Variants in ERN1 observed in about 807,000 individuals in gnomAD.
ERN1 encodes serine/threonine-protein kinase/endoribonuclease IRE1.
In ERN1, 39 loss-of-function variants were observed where a neutral mutation model predicts 113.1. The observed-to-expected ratio is 0.34, with a 90% CI of 0.27 to 0.45. The LOEUF is 0.45. Ranked by LOEUF, ERN1 falls within the 20% of genes least tolerant of loss-of-function variation. The pLI is 1.00. For synonymous variants in ERN1, 507 were observed against 515.9 expected (o/e 0.98, Z 0.23); for missense variants, 976 against 1,274.8 (o/e 0.77, Z 3.57).
At chr17:64,070,591 G>T (rs1024324052) in intron 6 of ERN1, among the ~76,000 whole-genome samples, 2 of 152,238 alleles carry the variant, frequency 1.3e-5, no homozygotes, top group East Asian at 3.9e-4. Context: ...AGGAGAGCCC[G>T]GCCAGCTTCT....
intron 2 of ERN1, among the ~76,000 whole-genome samples, chr17:64,094,265 TA>T (rs1914167423): frequency 1.3e-5 from 2 of 152,210 alleles, no homozygotes; most frequent in African/African-American, 4.8e-5. Context: ...GCTATGGTGG[TA>T]AACTATCCTG....
At position 64,054,022 on chromosome 17, in the gene ERN1, C is replaced by T; in HGVS notation, c.1953+228G>A. 2.1e-6 allele frequency: 1 copy of T among 469,774 alleles called. No homozygotes were observed. Among genetic ancestry groups the T allele is most frequent in the Non-Finnish European group, 3.9e-6 (1 of 259,664 alleles). 29.1% of individuals were successfully genotyped at this position (469,774 alleles called of 1,614,324 possible). On this transcript the variant is annotated intron_variant, in intron 15 of 21. Coordinates refer to ENST00000433197, the MANE Select transcript of ERN1 (RefSeq NM_001433.5). The surrounding 1 kb of genome is among the most constrained non-coding windows in gnomAD (Gnocchi z 4.9). ...TGGCACAATCACTGCTTACTGCAGCCTTGATCTCCCAGGCTCAAGCAATCT... is the reference window on the plus strand; with the variant it reads ...TGGCACAATCACTGCTTACTGCAGCTTTGATCTCCCAGGCTCAAGCAATCT...
chr17:64,092,482 G>C (rs1201880739), intron 2 of ERN1, among the ~76,000 whole-genome samples: 3 of 152,144 alleles, frequency 2.0e-5, no homozygotes, highest in Non-Finnish European at 4.4e-5. Flanking sequence ...CTCAGAACCT[G>C]GAGTAGTATC....
At position 64,040,247 on chromosome 17, in the gene ERN1, G is replaced by A. The variant is rs1912295641; in HGVS notation, c.*3741C>T. 6.6e-6 allele frequency: 1 copy of A among 152,274 alleles called. No homozygotes were observed. Among genetic ancestry groups the A allele is most frequent in the Non-Finnish European group, 1.5e-5 (1 of 68,108 alleles). The allele number at this position is 152,274 out of a possible 1,614,324, so 9.4% of individuals were successfully genotyped here. The stretch of plus-strand genomic sequence containing the variant: ...AAAGAGGCTCCTTCCAGGGCGCTGG[G>A]CTTCTCTTCCAGCACAGAAGGCTGC... On this transcript the variant is annotated 3_prime_UTR_variant, in exon 22 of 22. Transcript: ENST00000433197.
intron 2 of ERN1, among the ~76,000 whole-genome samples, chr17:64,089,919 T>TA (rs942837885): frequency 1.1e-3 from 160 of 148,694 alleles, no homozygotes; most frequent in African/African-American, 2.8e-3. Context: ...GTTTTCTTAT[T>TA]AAAAAAAAAA....
In ERN1 at chr17:64,052,683, G is replaced by A. The variant is rs7217455; in HGVS notation, c.2253+97C>T. ...AAGGAATGCCATTCTCCAGCTACAC[G>A]GGCACCAGCCCCCAAACCTGGAATT... On this transcript the variant is annotated intron_variant, in intron 17 of 21. Transcript: ENST00000433197. The A allele has an allele frequency of 4.4e-3, 4,801 of 1,090,210 alleles. 158 individuals are homozygous for A. The African/African-American group carries it at 0.067, about 15-fold the overall frequency. 67.5% of individuals were successfully genotyped at this position (1,090,210 alleles called of 1,614,324 possible). A position where few individuals can be genotyped will look rare whatever the true frequency, so the allele number is the denominator to read the frequency against.
chr17:64,119,376 G>GTTGTTTTTTGTTTTTTTTTT (rs777806993), intron 1 of ERN1, among the ~76,000 whole-genome samples: 5 of 77,894 alleles, frequency 6.4e-5, no homozygotes, highest in African/African-American at 2.8e-4. Flanking sequence ...TTTTTTCTAG[G>GTTGTTTTTTGTTTTTTTTTT]TTTTTTTTTT....
intron 2 of ERN1, among the ~76,000 whole-genome samples, chr17:64,090,689 T>C (rs1914063913): frequency 6.6e-6 from 1 of 152,194 alleles, no homozygotes; most frequent in Non-Finnish European, 1.5e-5. Context: ...AGATCCACGC[T>C]ACTACGTGTG....
intron 2 of ERN1, 193 bp downstream of exon 2, chr17:64,097,928 A>C (rs956406752): frequency 1.5e-6 from 1 of 648,146 alleles, no homozygotes; most frequent in Non-Finnish European, 2.6e-6. Flanking sequence ...TAACTGATGC[A>C]CTTAGTGGAT....
At position 64,080,786 on chromosome 17, in the gene ERN1, T is replaced by C; in HGVS notation, c.198A>G (p.Thr66=). 1 of 1,610,880 alleles carries C rather than the reference T, an allele frequency of 6.2e-7. No homozygotes were observed. Among genetic ancestry groups the C allele is most frequent in the South Asian group, 1.1e-5 (1 of 90,180 alleles). The change falls in exon 3 of 22, where the codon ACA becomes ACG. Residue 66 remains threonine (T), a synonymous_variant. Coordinates refer to ENST00000433197, the MANE Select transcript of ERN1 (RefSeq NM_001433.5). ...ATCAGAAAACTTACTCTTCCACATG[T>C]GTTGGGACCTGCAGGACTGGATCTG... ...LKEDPVLQVP[T]HVEEPAFLPD... is the part of the protein sequence containing the mutation.
chr17:64,123,553 C>A (rs75745026), intron 1 of ERN1, among the ~76,000 whole-genome samples: 1 of 152,112 alleles, frequency 6.6e-6, no homozygotes, highest in Admixed American at 6.5e-5. Flanking sequence ...TTTAAACCGC[C>A]TATCATAAAA....
intron 1 of ERN1, among the ~76,000 whole-genome samples, chr17:64,111,215 C>G (rs1033720078): frequency 3.3e-5 from 5 of 152,148 alleles, no homozygotes; most frequent in Non-Finnish European, 7.4e-5. Context: ...ACATGATGTT[C>G]TGATATATGT....
intron 2 of ERN1, among the ~76,000 whole-genome samples, chr17:64,096,840 G>T (rs914700697): frequency 6.6e-6 from 1 of 152,188 alleles, no homozygotes; most frequent in Non-Finnish European, 1.5e-5. Context: ...AGCATTATGT[G>T]CAGGGAAAAG....
chr17:64,065,201 G>T lies in ERN1; in HGVS notation c.921+8C>A. 6.2e-7 allele frequency: 1 copy of T among 1,601,166 alleles called. No homozygotes were observed. On this transcript the variant is annotated splice_region_variant and intron_variant, in intron 9 of 21. Coordinates refer to ENST00000433197, the MANE Select transcript of ERN1 (RefSeq NM_001433.5). ...TAGGCAGCTGCGAGCCCTCCGTAGT[G>T]GACTTACCACGACAGCAACCCCCTC...
intron 1 of ERN1, among the ~76,000 whole-genome samples, chr17:64,111,382 T>C (rs1317278876): frequency 6.7e-6 from 1 of 150,062 alleles, no homozygotes. Context: ...TGAGACAGAG[T>C]TTGACTCTTG....
intron 7 of ERN1, among the ~76,000 whole-genome samples, chr17:64,067,617 A>AAT (rs1555614574): frequency 2.0e-5 from 3 of 149,490 alleles, no homozygotes; most frequent in Admixed American, 1.3e-4. Flanking sequence ...AAAAAAAAAA[A>AAT]CAACAAAAAA....
intron 18 of ERN1, among the ~76,000 whole-genome samples, chr17:64,048,563 A>G (rs1445224699): frequency 6.6e-6 from 1 of 152,202 alleles, no homozygotes; most frequent in East Asian, 1.9e-4. Flanking sequence ...TCATGGGCCA[A>G]TTACCACCCA....
intron 1 of ERN1, among the ~76,000 whole-genome samples, chr17:64,127,506 C>A (rs1347931777): frequency 1.3e-5 from 2 of 152,098 alleles, no homozygotes; most frequent in Non-Finnish European, 2.9e-5. Flanking sequence ...GTAATCCCAG[C>A]ATTTTGGAAG....
At chr17:64,070,414 C>T (rs1430982936) in intron 6 of ERN1, among the ~76,000 whole-genome samples, 1 of 152,202 alleles carries the variant, frequency 6.6e-6, no homozygotes, top group Non-Finnish European at 1.5e-5. Context: ...CTCCTTCGAA[C>T]ACCACAATTT....
Sources: allele counts gnomAD v4.1 joint callset (sites outside exome capture counted in the v4.1 genomes callset), GRCh38; gene constraint gnomAD v4.1.1; non-coding constraint Gnocchi (gnomAD v3.1); transcripts MANE v1.5; gene names NCBI Gene and HGNC (gene_info 2026-07-23, HGNC 2026-07-21).